Variants in ALDH3B2 observed in about 807,000 individuals in gnomAD.
ALDH3B2 encodes aldehyde dehydrogenase 3 family member B2.
A neutral mutation model predicts 36.7 loss-of-function variants in ALDH3B2; 45 were observed. The observed-to-expected ratio is 1.23, with a 90% CI of 0.97 to 1.57. The LOEUF (loss-of-function observed/expected upper bound fraction) is 1.57. Among genes scored for constraint, ALDH3B2 ranks in the 40% most tolerant of loss-of-function variants. ALDH3B2 has a pLI of 0.00. For missense variants in ALDH3B2, 464 were observed against 513.3 expected (o/e 0.90, Z 0.93); for synonymous variants, 217 against 226.5 (o/e 0.96, Z 0.38).
At chr11:67,671,775 G>C (rs189262190) in intron 1 of ALDH3B2, among the ~76,000 whole-genome samples, 2 of 150,454 alleles carry the variant, frequency 1.3e-5, no homozygotes, top group African/African-American at 4.9e-5. Flanking sequence ...ACTCCTGACC[G>C]CAGGTGATCC....
chr11:67,666,191 C>T (rs145268144), exon 6 of ALDH3B2: 336 of 1,614,026 alleles, frequency 2.1e-4, no homozygotes, highest in Non-Finnish European at 2.7e-4. Context: ...CCCAGCACCA[C>T]GGCAAAGCAG....
upstream of ALDH3B2, among the ~76,000 whole-genome samples, chr11:67,678,735 A>T (rs1220964542): frequency 3.3e-5 from 5 of 150,754 alleles, no homozygotes; most frequent in East Asian, 9.7e-4. Context: ...ACGCTATGGC[A>T]TATATATACA....
upstream of ALDH3B2, among the ~76,000 whole-genome samples, chr11:67,677,919 A>G (rs998989184): frequency 6.6e-6 from 1 of 152,228 alleles, no homozygotes; most frequent in African/African-American, 2.4e-5. Flanking sequence ...AAGAAGTCGA[A>G]AGACCTCTAA....
exon 7 of ALDH3B2, chr11:67,665,521 A>T: frequency 6.2e-7 from 1 of 1,613,912 alleles, no homozygotes; most frequent in Non-Finnish European, 8.5e-7. Flanking sequence ...GCCGGCATTG[A>T]AGTAGCAGAA....
At chr11:67,677,274 A>G (rs1856289891), upstream of ALDH3B2, among the ~76,000 whole-genome samples, 1 of 152,112 alleles carries the variant, frequency 6.6e-6, no homozygotes, top group African/African-American at 2.4e-5. Flanking sequence ...TGGGTTTCAT[A>G]CCAGAGATGC....
At chr11:67,672,102 TTGTGTGTGTGTGTG>T (rs71058721) in intron 1 of ALDH3B2, among the ~76,000 whole-genome samples, 3 of 49,986 alleles carry the variant, frequency 6.0e-5, no homozygotes, top group African/African-American at 1.4e-4. Flanking sequence ...TGTATGTATT[TTGTGTGTGTGTGTG>T]TGTGTGTGTG....
chr11:67,666,959 C>T lies in ALDH3B2; in HGVS notation c.-24G>A, dbSNP rs200387182. ...ATCCAGGCCTGCAGGTTCTTGAGAG[C>T]GTAGTCAACCTCGTTCTGGCAAAGG... On this transcript the variant is annotated 5_prime_UTR_variant, in exon 3 of 10. Coordinates refer to ENST00000349015, the Ensembl canonical transcript of ALDH3B2. 650 of 1,613,898 alleles carry T rather than the reference C, an allele frequency of 4.0e-4. 4 individuals are homozygous for T. The highest frequency in any genetic ancestry group is 1.8e-4 in the Admixed American group (11 of 59,998).
At chr11:67,664,714 G>T in intron 7 of ALDH3B2, 152 bp from the exon 8 acceptor site, 1 of 1,239,302 alleles carries the variant, frequency 8.1e-7, no homozygotes, top group Non-Finnish European at 1.1e-6. Flanking sequence ...AGTGTTTAGG[G>T]AAGAAAGTTT....
intron 1 of ALDH3B2, among the ~76,000 whole-genome samples, chr11:67,670,671 C>T (rs185035403): frequency 2.0e-5 from 3 of 152,286 alleles, no homozygotes; most frequent in Admixed American, 6.5e-5. Flanking sequence ...CTGCCCGGCT[C>T]AGGTCCCAGC....
At chr11:67,675,191 G>A (rs953803947), upstream of ALDH3B2, among the ~76,000 whole-genome samples, 15 of 152,162 alleles carry the variant, frequency 9.9e-5, no homozygotes, top group African/African-American at 3.1e-4. Context: ...CTAGGATGGC[G>A]CATTGTTCAT....
exon 4 of ALDH3B2, chr11:67,666,674 G>C: frequency 6.2e-7 from 1 of 1,614,182 alleles, no homozygotes; most frequent in Non-Finnish European, 8.5e-7. Flanking sequence ...TCCAGATGAA[G>C]ACCGAGTCCA....
At chr11:67,671,375 C>G (rs1453938815) in intron 1 of ALDH3B2, 1 of 152,276 alleles carries the variant, frequency 6.6e-6, no homozygotes, top group Non-Finnish European at 1.5e-5. Flanking sequence ...CAAGCCCTGC[C>G]TCTCATGCAA....
upstream of ALDH3B2, among the ~76,000 whole-genome samples, chr11:67,678,094 T>C (rs1856303272): frequency 6.6e-6 from 1 of 152,176 alleles, no homozygotes. Context: ...ACCATCTTTC[T>C]TCACAGAGTT....
upstream of ALDH3B2, among the ~76,000 whole-genome samples, chr11:67,676,922 C>T (rs1023571164): frequency 3.3e-5 from 5 of 151,996 alleles, no homozygotes; most frequent in Admixed American, 6.6e-5. Flanking sequence ...ATACCCTGAA[C>T]AGGCCAATAA....
At chr11:67,669,582 G>T (rs1029219689) in intron 1 of ALDH3B2, among the ~76,000 whole-genome samples, 1 of 151,340 alleles carries the variant, frequency 6.6e-6, no homozygotes, top group Admixed American at 6.6e-5. Context: ...GTCTGTGTGT[G>T]TATGGGTGCT....
chr11:67,663,457 C>T, intron 9 of ALDH3B2, 58 bp from the exon 10 acceptor site: 3 of 1,561,898 alleles, frequency 1.9e-6, no homozygotes, highest in Non-Finnish European at 1.7e-6. Context: ...GCCCCAGCAG[C>T]AGCCCACTGC....
chr11:67,662,946 G>T, exon 10 of ALDH3B2: 1 of 491,772 alleles, frequency 2.0e-6, no homozygotes, highest in Non-Finnish European at 3.6e-6. Context: ...CTGACCGAGA[G>T]GGCAAAGGGC....
chr11:67,679,486 GA>G (rs575049798), upstream of ALDH3B2, among the ~76,000 whole-genome samples: 1,320 of 150,142 alleles, frequency 8.8e-3, 24 homozygotes, highest in African/African-American at 0.031. Context: ...AAAAAAAAAA[GA>G]AAAAAAACAA....
intron 1 of ALDH3B2, chr11:67,671,078 C>A (rs1856096895): frequency 6.6e-6 from 1 of 152,542 alleles, no homozygotes; most frequent in Non-Finnish European, 1.5e-5. Context: ...CCATGGCTCC[C>A]TGGTGCCTTT....
Sources: allele counts gnomAD v4.1 joint callset (sites outside exome capture counted in the v4.1 genomes callset), GRCh38; gene constraint gnomAD v4.1.1; transcripts MANE v1.5; gene names NCBI Gene and HGNC (gene_info 2026-07-23, HGNC 2026-07-21).